IL16: variants seen among roughly 807,000 people sequenced by gnomAD.
IL16 encodes the protein pro-interleukin-16.
A neutral mutation model predicts 110.1 loss-of-function variants in IL16; 67 were observed. That is an observed-to-expected ratio of 0.61 (90% CI 0.50 to 0.75). The LOEUF (loss-of-function observed/expected upper bound fraction) is 0.75, where lower values mean the gene tolerates loss of function less well. IL16 is among the 30% of genes least tolerant of loss of function. The probability of loss-of-function intolerance (pLI) is 0.00; values close to 1 mark genes in which losing one functional copy is unlikely to be tolerated. For missense variants in IL16, 1,545 were observed against 1,655.0 expected (o/e 0.93, Z 1.15); for synonymous variants, 689 against 662.9 (o/e 1.04, Z -0.61).
intron 18 of IL16, among the ~76,000 whole-genome samples, chr15:81,307,352 C>T (rs1596061693): frequency 6.6e-6 from 1 of 152,246 alleles, no homozygotes; most frequent in East Asian, 1.9e-4. Flanking sequence ...TAAAGAGGTA[C>T]AGGTGTGTGT....
chr15:81,258,775 A>C (rs192184439), intron 2 of IL16, among the ~76,000 whole-genome samples: 6,759 of 149,570 alleles, frequency 0.045, 201 homozygotes, highest in Middle Eastern at 0.099. Flanking sequence ...CTCTCTCTCT[A>C]TATATATATA....
chr15:81,303,418 A>G lies in IL16; in HGVS notation c.3319-131A>G. ...TTACAGATGAGGAAACTGAGGTTTG[A>G]GGAGGTGATGTAACTTGGAGGCTGG... is the stretch of plus-strand genomic sequence containing the variant. On this transcript the variant is annotated intron_variant, in intron 15 of 18. Coordinates refer to ENST00000683961, the MANE Select transcript of IL16 (RefSeq NM_172217.5). This position sits in a 1 kb window ranked among gnomAD's most constrained non-coding sequence, Gnocchi z 4.1. 2 of 648,258 alleles carry G rather than the reference A, an allele frequency of 3.1e-6. No homozygotes were observed. Among genetic ancestry groups the G allele is most frequent in the Non-Finnish European group, 5.7e-6 (2 of 353,838 alleles). 40.2% of individuals were successfully genotyped at this position (648,258 alleles called of 1,614,324 possible).
In IL16 at chr15:81,197,028, C is replaced by G; in HGVS notation, c.-226C>G. The G allele has an allele frequency of 7.8e-7, 1 of 1,287,988 alleles. No individual in the cohort carries two copies. Among genetic ancestry groups the G allele is most frequent in the African/African-American group, 1.5e-5 (1 of 65,940 alleles). 79.8% of individuals were successfully genotyped at this position (1,287,988 alleles called of 1,614,324 possible). On this transcript the variant is annotated 5_prime_UTR_variant, in exon 1 of 19. Transcript: ENST00000683961. ...TTTCTCAATCCTTGCCGGCTCTGAC[C>G]CAGGCCTGGGCCACAGGCTGTCCGG...
At chr15:81,286,165 G>A (rs1464325409) in intron 10 of IL16, among the ~76,000 whole-genome samples, 2 of 152,168 alleles carry the variant, frequency 1.3e-5, no homozygotes, top group Admixed American at 6.5e-5. Flanking sequence ...AATGTCTGGA[G>A]GTAGGTACTG....
intron 1 of IL16, among the ~76,000 whole-genome samples, chr15:81,188,584 T>C (rs1284647491): frequency 6.6e-6 from 1 of 152,136 alleles, no homozygotes; most frequent in Non-Finnish European, 1.5e-5. Flanking sequence ...CCTGGACCAG[T>C]GCTCTTTTCA....
intron 10 of IL16, chr15:81,290,169 CTT>C: frequency 2.2e-6 from 1 of 457,354 alleles, no homozygotes; most frequent in Non-Finnish European, 3.9e-6. Context: ...GAAGTGGTAA[CTT>C]TGCCTAGAAT....
chr15:81,282,921 G>A (rs912855068), intron 9 of IL16, among the ~76,000 whole-genome samples, 165 bp downstream of exon 9: 25 of 152,308 alleles, frequency 1.6e-4, no homozygotes, highest in Middle Eastern at 3.4e-3. Flanking sequence ...GGCACTGGCT[G>A]GGGAGGGGCA....
chr15:81,212,768 G>A (rs369765400), intron 1 of IL16, among the ~76,000 whole-genome samples: 10 of 152,158 alleles, frequency 6.6e-5, no homozygotes, highest in African/African-American at 2.2e-4. Context: ...CACCATGCCC[G>A]GCCCTTCTCT....
At chr15:81,244,086 A>C (rs558046434) in intron 2 of IL16, among the ~76,000 whole-genome samples, 2 of 152,300 alleles carry the variant, frequency 1.3e-5, no homozygotes, top group South Asian at 4.1e-4. Flanking sequence ...TCATTTTACC[A>C]ATTCAAGTGA....
intron 1 of IL16, among the ~76,000 whole-genome samples, chr15:81,219,140 T>C (rs957017200): frequency 2.2e-4 from 33 of 152,196 alleles, no homozygotes; most frequent in Non-Finnish European, 4.4e-5. Context: ...AAGCGGTATA[T>C]TTATAATTCT....
At chr15:81,239,896 C>T (rs963333370) in intron 2 of IL16, among the ~76,000 whole-genome samples, 3 of 152,106 alleles carry the variant, frequency 2.0e-5, no homozygotes, top group African/African-American at 7.2e-5. Flanking sequence ...GGGAACTCAC[C>T]CTATTGTTGT....
exon 1 of IL16, chr15:81,182,808 T>A (rs1270454494): frequency 1.6e-6 from 2 of 1,237,334 alleles, no homozygotes; most frequent in Non-Finnish European, 2.1e-6. Context: ...CTGATCCTGG[T>A]TTGGAGGAAC....
intron 10 of IL16, among the ~76,000 whole-genome samples, chr15:81,289,268 A>G (rs1452179475): frequency 6.6e-6 from 1 of 151,966 alleles, no homozygotes; most frequent in Non-Finnish European, 1.5e-5. Flanking sequence ...CCCTAGTAGC[A>G]GGGATTATAG....
At chr15:81,245,954 A>AAAAGTCTG (rs1182231360) in intron 2 of IL16, among the ~76,000 whole-genome samples, 1 of 151,932 alleles carries the variant, frequency 6.6e-6, no homozygotes, top group African/African-American at 2.4e-5. Context: ...AGAAATAGGG[A>AAAAGTCTG]AAAGTCTGTC....
chr15:81,268,537 T>C (rs985232865), intron 4 of IL16, among the ~76,000 whole-genome samples: 1 of 152,252 alleles, frequency 6.6e-6, no homozygotes, highest in African/African-American at 2.4e-5. Flanking sequence ...GGGGACAGCA[T>C]GGGCCTGGGA....
chr15:81,232,743 A>T (rs1193284400), intron 2 of IL16, among the ~76,000 whole-genome samples: 1 of 152,186 alleles, frequency 6.6e-6, no homozygotes, highest in Non-Finnish European at 1.5e-5. Context: ...CTTTTAATAT[A>T]ACTCTGGATT....
chr15:81,196,165 C>T (rs1020971443), upstream of IL16, among the ~76,000 whole-genome samples: 2 of 152,174 alleles, frequency 1.3e-5, no homozygotes, highest in Admixed American at 6.5e-5. Context: ...GAGAGCCAGT[C>T]TGTTGTTTTT....
intron 2 of IL16, among the ~76,000 whole-genome samples, chr15:81,231,324 G>GTCTCTCTT (rs1896967323): frequency 2.1e-5 from 1 of 47,126 alleles, no homozygotes; most frequent in Non-Finnish European, 4.2e-5. Flanking sequence ...AGGTCGGTCT[G>GTCTCTCTT]TCTCTCTCTC....
intron 1 of IL16, among the ~76,000 whole-genome samples, chr15:81,205,670 T>G (rs1282861250): frequency 6.6e-6 from 1 of 151,938 alleles, no homozygotes; most frequent in Non-Finnish European, 1.5e-5. Flanking sequence ...AGATTACACA[T>G]TAAAATAAAA....
Sources: allele counts gnomAD v4.1 joint callset (sites outside exome capture counted in the v4.1 genomes callset), GRCh38; gene constraint gnomAD v4.1.1; non-coding constraint Gnocchi (gnomAD v3.1); transcripts MANE v1.5; gene names NCBI Gene and HGNC (gene_info 2026-07-23, HGNC 2026-07-21).